The following WDR93 variants were observed in gnomAD, a reference collection of about 807,000 sequenced individuals.
WDR93 encodes WD repeat-containing protein 93.
WDR93 carries 73 observed loss-of-function variants against 82.9 expected under a neutral mutation model. The observed-to-expected ratio is 0.88, with a 90% CI of 0.73 to 1.07. WDR93 has a LOEUF of 1.07. Among genes scored for constraint, WDR93 ranks in the 50% least tolerant of loss-of-function variants. The pLI is 0.00. For missense variants in WDR93, 738 were observed against 826.0 expected (o/e 0.89, Z 1.31); for synonymous variants, 283 against 300.1 (o/e 0.94, Z 0.59).
chr15:89,718,018 T>C (rs934766270), intron 7 of WDR93, among the ~76,000 whole-genome samples: 3 of 152,170 alleles, frequency 2.0e-5, no homozygotes, highest in African/African-American at 4.8e-5. Context: ...TGGAAGTATC[T>C]CGCTAGAGCC....
intron 13 of WDR93, 60 bp from the exon 14 acceptor site, chr15:89,735,430 G>A (rs1233089198): frequency 6.5e-7 from 1 of 1,536,482 alleles, no homozygotes; most frequent in African/African-American, 1.4e-5. Context: ...CCTAGAAGAG[G>A]ATATCAAAAC....
In WDR93 at chr15:89,721,265, T is replaced by A. The variant is rs538309285; in HGVS notation, c.796-790T>A. 6.6e-5 allele frequency: 10 copies of A among 152,342 alleles called. No homozygotes were observed. The East Asian group carries it at 1.9e-3, about 29-fold the overall frequency. 9.4% of individuals were successfully genotyped at this position (152,342 alleles called of 1,614,324 possible). A position where few individuals can be genotyped will look rare whatever the true frequency, so the allele number is the denominator to read the frequency against. ...TGGTTTCAGATAGTGTTTCATAAAA[T>A]GAGTTTCTTGGCCACATGTGGTGGC... On this transcript the variant is annotated intron_variant, in intron 7 of 16. Coordinates refer to ENST00000268130, the MANE Select transcript of WDR93 (RefSeq NM_020212.2).
At chr15:89,740,013 C>T (rs948747993) in intron 16 of WDR93, among the ~76,000 whole-genome samples, 5 of 152,190 alleles carry the variant, frequency 3.3e-5, no homozygotes, top group Non-Finnish European at 2.9e-5. Flanking sequence ...TACTCAGCCT[C>T]CTCATTCAGT....
intron 3 of WDR93, chr15:89,703,995 A>T (rs1338848570): frequency 1.3e-5 from 2 of 152,100 alleles, no homozygotes; most frequent in African/African-American, 4.8e-5. Flanking sequence ...AAGGAGAGAA[A>T]ATTCTGAACA....
chr15:89,731,704 C>G (rs1376692587), intron 12 of WDR93, 142 bp downstream of exon 12: 8 of 1,082,296 alleles, frequency 7.4e-6, no homozygotes, highest in African/African-American at 4.8e-5. Flanking sequence ...TCCTACTCCC[C>G]TCTCATTCAT....
At chr15:89,709,660 C>G (rs889583505) in intron 4 of WDR93, among the ~76,000 whole-genome samples, 19 of 152,040 alleles carry the variant, frequency 1.2e-4, no homozygotes, top group Admixed American at 1.1e-3. Context: ...CCATGTTGCC[C>G]AGACTGGTCT....
chr15:89,694,872 A>G (rs1965087445), intron 1 of WDR93, among the ~76,000 whole-genome samples: 1 of 152,166 alleles, frequency 6.6e-6, no homozygotes, highest in African/African-American at 2.4e-5. Context: ...CAAGGTATGG[A>G]TCGGCATTCA....
intron 4 of WDR93, among the ~76,000 whole-genome samples, chr15:89,709,182 T>C (rs1198046134): frequency 6.6e-6 from 1 of 152,134 alleles, no homozygotes; most frequent in Non-Finnish European, 1.5e-5. Context: ...AAAATCAAGA[T>C]GAGACACAAG....
chr15:89,704,170 CAAA>C (rs57077770), intron 3 of WDR93: 1,909 of 130,612 alleles, frequency 0.015, 35 homozygotes, highest in African/African-American at 0.047. Flanking sequence ...ACGAAAAATA[CAAA>C]AAAAAAAAAA....
intron 9 of WDR93, among the ~76,000 whole-genome samples, chr15:89,728,688 A>G (rs1966831480): frequency 6.6e-6 from 1 of 152,186 alleles, no homozygotes; most frequent in Non-Finnish European, 1.5e-5. Context: ...CTGGGATAAG[A>G]GAACATCTAT....
chr15:89,740,242 C>CA (rs1243234727), intron 16 of WDR93, among the ~76,000 whole-genome samples: 1 of 152,218 alleles, frequency 6.6e-6, no homozygotes. Context: ...CACTAGGTGG[C>CA]ACCATAGCTC....
chr15:89,723,381 G>A (rs1238162937), intron 8 of WDR93, among the ~76,000 whole-genome samples: 1 of 151,874 alleles, frequency 6.6e-6, no homozygotes, highest in African/African-American at 2.4e-5. Context: ...AGTTGAGGCT[G>A]TAGTGAGCTA....
At chr15:89,690,616 C>A, upstream of WDR93, 4 of 1,551,272 alleles carry the variant, frequency 2.6e-6, no homozygotes, top group Non-Finnish European at 3.5e-6. Flanking sequence ...GTTGGTGAAG[C>A]GGGTGAAGGC....
chr15:89,730,528 CAG>C (rs1400395734), intron 11 of WDR93, among the ~76,000 whole-genome samples: 1 of 152,094 alleles, frequency 6.6e-6, no homozygotes. Context: ...TAGCAAAATC[CAG>C]AGAGTTTCTG....
intron 7 of WDR93, among the ~76,000 whole-genome samples, chr15:89,717,216 C>T (rs1419789277): frequency 6.6e-6 from 1 of 151,662 alleles, no homozygotes; most frequent in Non-Finnish European, 1.5e-5. Context: ...TGCACTACCA[C>T]GCCCGGCTAA....
intron 1 of WDR93, among the ~76,000 whole-genome samples, chr15:89,700,040 C>T (rs1965379736): frequency 6.6e-6 from 1 of 152,058 alleles, no homozygotes; most frequent in Non-Finnish European, 1.5e-5. Flanking sequence ...TTTTACATTC[C>T]TCTAAATATT....
At chr15:89,697,183 T>G (rs1965223179) in intron 1 of WDR93, among the ~76,000 whole-genome samples, 1 of 152,138 alleles carries the variant, frequency 6.6e-6, no homozygotes, top group South Asian at 2.1e-4. Flanking sequence ...GGTGTCAGAC[T>G]CCTGGCCTCA....
At chr15:89,728,075 C>T (rs1966808657) in intron 9 of WDR93, among the ~76,000 whole-genome samples, 3 of 151,860 alleles carry the variant, frequency 2.0e-5, no homozygotes, top group Non-Finnish European at 4.4e-5. Flanking sequence ...TAGACTCTGT[C>T]TCAAAAAATA....
chr15:89,690,542 G>A (rs1287807721), upstream of WDR93: 3 of 1,524,214 alleles, frequency 2.0e-6, no homozygotes, highest in Non-Finnish European at 2.7e-6. Context: ...GAGTTAGGGC[G>A]AGAAAGGGGC....
Sources: gnomAD v4.1 joint callset for allele counts (sites outside exome capture counted in the v4.1 genomes callset) on GRCh38, gnomAD v4.1.1 for gene constraint, MANE v1.5 for transcripts, NCBI Gene and HGNC (gene_info 2026-07-23, HGNC 2026-07-21) for gene names.